The following PARD3B variants were observed in gnomAD, a reference collection of about 807,000 sequenced individuals.
PARD3B encodes partitioning defective 3 homolog B.
A neutral mutation model predicts 130.2 loss-of-function variants in PARD3B; 103 were observed. That is an observed-to-expected ratio of 0.79 (90% CI 0.67 to 0.93). PARD3B has a LOEUF of 0.93. PARD3B is among the 40% of genes least tolerant of loss of function. The probability of loss-of-function intolerance (pLI) is 0.00; values close to 1 mark genes in which losing one functional copy is unlikely to be tolerated. For missense variants in PARD3B, 1,609 were observed against 1,499.2 expected (o/e 1.07, Z -1.21); for synonymous variants, 583 against 553.2 (o/e 1.05, Z -0.76).
At chr2:205,192,613 T>C (rs1422461742) in intron 14 of PARD3B, among the ~76,000 whole-genome samples, 1 of 152,222 alleles carries the variant, frequency 6.6e-6, no homozygotes, top group East Asian at 1.9e-4. Context: ...TTGATGTATC[T>C]TGTGTCTTAA....
intron 15 of PARD3B, among the ~76,000 whole-genome samples, chr2:205,225,690 C>T (rs2125882773): frequency 6.6e-6 from 1 of 152,248 alleles, no homozygotes; most frequent in African/African-American, 2.4e-5. Context: ...GAAGCAAGCA[C>T]ATCTTTACAT....
intron 16 of PARD3B, among the ~76,000 whole-genome samples, chr2:205,282,686 A>T (rs746383929): frequency 6.6e-6 from 1 of 152,094 alleles, no homozygotes; most frequent in Admixed American, 6.6e-5. Context: ...AAAATGGCCC[A>T]ATCTCAATTA....
intron 1 of PARD3B, among the ~76,000 whole-genome samples, chr2:204,619,971 A>C (rs2034240983): frequency 6.6e-6 from 1 of 152,114 alleles, no homozygotes; most frequent in Non-Finnish European, 1.5e-5. Flanking sequence ...CCAAACCCTG[A>C]GGCAGGGAGA....
chr2:204,560,620 G>T (rs942911595), intron 1 of PARD3B, among the ~76,000 whole-genome samples: 21 of 152,140 alleles, frequency 1.4e-4, no homozygotes, highest in Non-Finnish European at 2.6e-4. Flanking sequence ...AGGTAAACAT[G>T]TATGTTTTGT....
At chr2:205,252,380 A>G (rs1559589367) in intron 16 of PARD3B, among the ~76,000 whole-genome samples, 1 of 152,208 alleles carries the variant, frequency 6.6e-6, no homozygotes, top group Non-Finnish European at 1.5e-5. Context: ...GAAAAAATAC[A>G]AATGCCTAAT....
At chr2:205,495,066 T>C (rs1190367589) in intron 20 of PARD3B, among the ~76,000 whole-genome samples, 2 of 152,148 alleles carry the variant, frequency 1.3e-5, no homozygotes, top group Non-Finnish European at 2.9e-5. Flanking sequence ...GTTGAGGTCA[T>C]TTTTAAGGCT....
chr2:205,194,213 T>C (rs548828089), intron 15 of PARD3B, among the ~76,000 whole-genome samples: 7 of 152,300 alleles, frequency 4.6e-5, no homozygotes, highest in South Asian at 2.1e-4. Flanking sequence ...TAATCAAAAG[T>C]GCGTGCTCCA....
chr2:205,526,720 T>C (rs1288435988), intron 21 of PARD3B, among the ~76,000 whole-genome samples: 4 of 152,218 alleles, frequency 2.6e-5, no homozygotes, highest in Non-Finnish European at 5.9e-5. Flanking sequence ...ATGTACAAGA[T>C]TACCACTTCT....
chr2:205,169,624 T>C (rs1312098286), intron 11 of PARD3B, among the ~76,000 whole-genome samples: 1 of 152,150 alleles, frequency 6.6e-6, no homozygotes, highest in Non-Finnish European at 1.5e-5. Context: ...ATCTTTATCT[T>C]GTTTCTTCCT....
intron 21 of PARD3B, among the ~76,000 whole-genome samples, chr2:205,535,373 T>C (rs995256028): frequency 6.6e-6 from 1 of 152,174 alleles, no homozygotes; most frequent in African/African-American, 2.4e-5. Flanking sequence ...CAAAAGAAGA[T>C]GTCATAGGAC....
chr2:205,190,344 T>A (rs1221721944), intron 14 of PARD3B, among the ~76,000 whole-genome samples: 1 of 152,218 alleles, frequency 6.6e-6, no homozygotes, highest in Non-Finnish European at 1.5e-5. Flanking sequence ...TGCAATCTGA[T>A]CTATGTTTTA....
intron 18 of PARD3B, among the ~76,000 whole-genome samples, chr2:205,398,675 A>G (rs974044339): frequency 1.3e-5 from 2 of 152,210 alleles, no homozygotes; most frequent in Non-Finnish European, 2.9e-5. Context: ...ACAATTATGA[A>G]TATAAGCAAT....
intron 3 of PARD3B, among the ~76,000 whole-genome samples, chr2:205,008,671 T>G (rs879539091): frequency 6.6e-6 from 1 of 152,168 alleles, no homozygotes; most frequent in Admixed American, 6.5e-5. Flanking sequence ...AATCTTTAAG[T>G]ATAGAACAGG....
intron 2 of PARD3B, among the ~76,000 whole-genome samples, chr2:204,794,102 G>A (rs964448996): frequency 6.6e-6 from 1 of 152,072 alleles, no homozygotes; most frequent in Non-Finnish European, 1.5e-5. Context: ...TAGTAGACTT[G>A]GATAAAAGAA....
At chr2:205,424,051 A>G (rs933171258) in intron 19 of PARD3B, among the ~76,000 whole-genome samples, 13 of 152,176 alleles carry the variant, frequency 8.5e-5, no homozygotes, top group Non-Finnish European at 1.6e-4. Flanking sequence ...TATCTATTTA[A>G]CAAACCTGCA....
intron 3 of PARD3B, among the ~76,000 whole-genome samples, chr2:205,020,653 G>A (rs13008707): frequency 0.16 from 24,739 of 152,120 alleles, 2,621 homozygotes; most frequent in Non-Finnish European, 0.23. Context: ...ATCTGTGCTT[G>A]TTACCTACAG....
chr2:204,984,098 G>C lies in PARD3B; in HGVS notation c.394+18775G>C, dbSNP rs183104753. Among the ~76,000 whole-genome samples the C allele has an allele frequency of 1.7e-4, 26 of 151,906 alleles. 1 individual carries two copies. The East Asian group carries it at 4.1e-3, about 24-fold the overall frequency. ...ATAGAGGTGGAGTTTTGCCTTCCCT[G>C]CATCTATAAAACATCTAAATCAAAA... is the stretch of plus-strand genomic sequence containing the variant. On this transcript the variant is annotated intron_variant, in intron 3 of 22. Transcript: ENST00000406610.
At chr2:204,548,310 C>T (rs978165064) in intron 1 of PARD3B, among the ~76,000 whole-genome samples, 8 of 152,022 alleles carry the variant, frequency 5.3e-5, no homozygotes, top group Non-Finnish European at 1.2e-4. Flanking sequence ...TTCTGCACTT[C>T]GTAATAATAA....
chr2:205,329,161 A>G (rs1279541258), intron 18 of PARD3B, among the ~76,000 whole-genome samples: 2 of 152,178 alleles, frequency 1.3e-5, no homozygotes, highest in Non-Finnish European at 2.9e-5. Context: ...ATGCACTTCT[A>G]CCCACAGAGA....
Sources: allele counts gnomAD v4.1 joint callset (sites outside exome capture counted in the v4.1 genomes callset), GRCh38; gene constraint gnomAD v4.1.1; transcripts MANE v1.5; gene names NCBI Gene and HGNC (gene_info 2026-07-23, HGNC 2026-07-21).